EDAR: variants seen among roughly 807,000 people sequenced by gnomAD.
EDAR encodes the protein ectodysplasin A receptor.
A neutral mutation model predicts 51.3 loss-of-function variants in EDAR; 38 were observed. That is an observed-to-expected ratio of 0.74 (90% confidence interval 0.57 to 0.97). The LOEUF (loss-of-function observed/expected upper bound fraction) is 0.97, where lower values mean the gene tolerates loss of function less well. EDAR is among the 50% of genes least tolerant of loss of function. The probability of loss-of-function intolerance (pLI) is 0.00; values close to 1 mark genes in which losing one functional copy is unlikely to be tolerated. For synonymous variants in EDAR, 227 were observed against 242.1 expected (o/e 0.94, Z 0.58); for missense variants, 528 against 595.0 (o/e 0.89, Z 1.17).
rs543159098 is a variant in EDAR, at chr2:108,932,477, C to T, written c.-18-1445G>A. Among the ~76,000 whole-genome samples the T allele has an allele frequency of 7.3e-5, 10 of 137,806 alleles. 1 individual carries two copies. Among genetic ancestry groups the T allele is most frequent in the African/African-American group, 2.5e-4 (9 of 35,760 alleles). The allele number at this position is 137,806 out of a possible 152,430, so 90.4% of individuals were successfully genotyped here. A position where few individuals can be genotyped will look rare whatever the true frequency, so the allele number is the denominator to read the frequency against. The stretch of plus-strand genomic sequence containing the variant: ...CCGGGAGGCGGAGCTTGCAGTGAGC[C>T]GAGATTGTGCCACTGCACTCCAGCC... On this transcript the variant is annotated intron_variant, in intron 1 of 11. Transcript: ENST00000258443.
chr2:108,955,032 C>T (rs1697893253), intron 1 of EDAR, among the ~76,000 whole-genome samples: 1 of 152,052 alleles, frequency 6.6e-6, no homozygotes, highest in Admixed American at 6.6e-5. Flanking sequence ...GAGTGACTGG[C>T]ACATCTCCCT....
chr2:108,939,272 C>T (rs933190309), intron 1 of EDAR, among the ~76,000 whole-genome samples: 9 of 152,030 alleles, frequency 5.9e-5, no homozygotes, highest in African/African-American at 1.4e-4. Flanking sequence ...CCGCAACCTC[C>T]GCCTCCCAGG....
chr2:108,969,069 A>C (rs1698195871), intron 1 of EDAR, among the ~76,000 whole-genome samples: 1 of 152,192 alleles, frequency 6.6e-6, no homozygotes, highest in Non-Finnish European at 1.5e-5. Flanking sequence ...TGAGTCCCTG[A>C]TGCACAGTCA....
intron 1 of EDAR, among the ~76,000 whole-genome samples, chr2:108,961,771 G>A (rs1166855882): frequency 1.3e-5 from 2 of 152,146 alleles, no homozygotes; most frequent in Non-Finnish European, 2.9e-5. Flanking sequence ...CAGCCCATGT[G>A]TTGGGTCTTT....
chr2:108,910,913 AG>A (rs1250633235), intron 7 of EDAR, 33 bp downstream of exon 7: 4 of 1,613,918 alleles, frequency 2.5e-6, no homozygotes, highest in Admixed American at 1.7e-5. Flanking sequence ...CGGAGAGTCC[AG>A]GAAGCAGGGC....
intron 1 of EDAR, among the ~76,000 whole-genome samples, chr2:108,932,790 G>A (rs1010298364): frequency 3.9e-5 from 6 of 152,120 alleles, no homozygotes; most frequent in South Asian, 2.1e-4. Context: ...CACATAAACC[G>A]TGGGGAAAAC....
At chr2:108,980,709 A>T (rs1158942148) in intron 1 of EDAR, among the ~76,000 whole-genome samples, 2 of 152,152 alleles carry the variant, frequency 1.3e-5, no homozygotes, top group Non-Finnish European at 2.9e-5. Flanking sequence ...CAAGACACAC[A>T]GACATCTTGG....
intron 5 of EDAR, among the ~76,000 whole-genome samples, chr2:108,921,255 C>G (rs910428247): frequency 1.3e-5 from 2 of 152,144 alleles, no homozygotes; most frequent in African/African-American, 4.8e-5. Flanking sequence ...GAGACCCTGA[C>G]ACTGACCTGG....
At chr2:108,970,540 C>A (rs1043700627) in intron 1 of EDAR, among the ~76,000 whole-genome samples, 43 of 151,920 alleles carry the variant, frequency 2.8e-4, no homozygotes, top group African/African-American at 1.0e-3. Context: ...GCCCAGGGAG[C>A]CTGACTGGGC....
chr2:108,933,764 G>A (rs548393984), intron 1 of EDAR, among the ~76,000 whole-genome samples: 9 of 151,830 alleles, frequency 5.9e-5, no homozygotes, highest in African/African-American at 1.5e-4. Context: ...AGGCAGCGAC[G>A]GGAGATCGGG....
intron 1 of EDAR, among the ~76,000 whole-genome samples, chr2:108,959,887 TCCAA>T (rs920429937): frequency 5.0e-4 from 76 of 152,062 alleles, no homozygotes; most frequent in South Asian, 2.3e-3. Flanking sequence ...CACACACATA[TCCAA>T]GTGAAACCAA....
At chr2:108,903,191 A>G (rs1415694662) in intron 11 of EDAR, among the ~76,000 whole-genome samples, 1 of 152,236 alleles carries the variant, frequency 6.6e-6, no homozygotes, top group Non-Finnish European at 1.5e-5. Flanking sequence ...AAATATGCAC[A>G]GAACTTGTAT....
chr2:108,915,176 T>A (rs1203048465), intron 5 of EDAR, among the ~76,000 whole-genome samples: 1 of 152,188 alleles, frequency 6.6e-6, no homozygotes, highest in Non-Finnish European at 1.5e-5. Context: ...AGTGCTGGGA[T>A]TACAGGTGTG....
intron 1 of EDAR, among the ~76,000 whole-genome samples, chr2:108,987,512 C>A (rs1698517455): frequency 6.6e-6 from 1 of 152,214 alleles, no homozygotes; most frequent in African/African-American, 2.4e-5. Context: ...GTATGCCCAA[C>A]AAAATGAAAG....
chr2:108,908,935 G>A (rs1482212889), intron 9 of EDAR, among the ~76,000 whole-genome samples: 3 of 152,094 alleles, frequency 2.0e-5, no homozygotes, highest in Non-Finnish European at 4.4e-5. Flanking sequence ...CAGGCTTCAG[G>A]GCCTCACAAG....
chr2:108,902,005 C>T (rs563258750), intron 11 of EDAR, among the ~76,000 whole-genome samples: 5 of 151,694 alleles, frequency 3.3e-5, no homozygotes, highest in Admixed American at 3.3e-4. Context: ...TTTGGGAGGC[C>T]AAAGCAGGTG....
At chr2:108,950,068 C>T (rs1697793971) in intron 1 of EDAR, among the ~76,000 whole-genome samples, 1 of 152,132 alleles carries the variant, frequency 6.6e-6, no homozygotes, top group Non-Finnish European at 1.5e-5. Context: ...TGGGGAGGGG[C>T]ACTTATGACC....
At chr2:108,946,894 A>AT (rs146508673) in intron 1 of EDAR, among the ~76,000 whole-genome samples, 44,324 of 151,476 alleles carry the variant, frequency 0.29, 10,247 homozygotes, top group East Asian at 0.93. Flanking sequence ...CCCAAATCTC[A>AT]TCTTTTTTTT....
intron 1 of EDAR, among the ~76,000 whole-genome samples, chr2:108,982,749 A>T (rs1698439139): frequency 6.6e-6 from 1 of 152,142 alleles, no homozygotes; most frequent in East Asian, 1.9e-4. Context: ...ATTGACTCAA[A>T]ACCGAGTGTC....
Sources: gnomAD v4.1 joint callset for allele counts (sites outside exome capture counted in the v4.1 genomes callset) on GRCh38, gnomAD v4.1.1 for gene constraint, MANE v1.5 for transcripts, NCBI Gene and HGNC (gene_info 2026-07-23, HGNC 2026-07-21) for gene names.